The following FRMD4A variants were observed in gnomAD, a reference collection of about 807,000 sequenced individuals.
FRMD4A encodes the protein FERM domain containing 4A.
FRMD4A carries 29 observed loss-of-function variants against 129.1 expected under a neutral mutation model. That is an observed-to-expected ratio of 0.22 (90% CI 0.17 to 0.31). The LOEUF is 0.31. Ranked by LOEUF, FRMD4A falls within the 10% of genes least tolerant of loss-of-function variation. The probability of loss-of-function intolerance (pLI) is 1.00; values close to 1 mark genes in which losing one functional copy is unlikely to be tolerated. For synonymous variants in FRMD4A, 634 were observed against 571.6 expected (o/e 1.11, Z -1.56); for missense variants, 1,272 against 1,375.8 (o/e 0.92, Z 1.19).
chr10:13,973,461 C>T (rs978265301), intron 2 of FRMD4A, among the ~76,000 whole-genome samples: 1 of 152,170 alleles, frequency 6.6e-6, no homozygotes, highest in African/African-American at 2.4e-5. Flanking sequence ...GCTGGGATTA[C>T]AGGCATGAGC....
At chr10:14,241,514 TA>T (rs1564411020) in intron 2 of FRMD4A, among the ~76,000 whole-genome samples, 2 of 151,734 alleles carry the variant, frequency 1.3e-5, no homozygotes, top group Non-Finnish European at 1.5e-5. Flanking sequence ...AATTCTTGGT[TA>T]AAAAGTAGTC....
At position 13,778,623 on chromosome 10, in the gene FRMD4A, T is replaced by TGTGTG. The variant is rs1240640403; in HGVS notation, c.384+4298_384+4299insCACAC. Among the ~76,000 whole-genome samples, 1,137 of 138,584 alleles carry TGTGTG rather than the reference T, an allele frequency of 8.2e-3. 8 individuals are homozygous for TGTGTG. The highest frequency in any genetic ancestry group is 0.013 in the African/African-American group (461 of 36,100). The allele number at this position is 138,584 out of a possible 152,430, so 90.9% of individuals were successfully genotyped here. ...CGTGTGTGTGTGTGTGTGTGTGTGTTTGTGTGTGTGTTAAGGTTTAATGGG... is the reference window on the plus strand; with the variant it reads ...CGTGTGTGTGTGTGTGTGTGTGTGTTGTGTGTGTGTGTGTGTTAAGGTTTAATGGG... On this transcript the variant is annotated intron_variant, in intron 6 of 24. Coordinates refer to ENST00000357447, the MANE Select transcript of FRMD4A (RefSeq NM_018027.5).
intron 2 of FRMD4A, among the ~76,000 whole-genome samples, chr10:13,924,273 C>T (rs962188019): frequency 6.6e-6 from 1 of 152,188 alleles, no homozygotes; most frequent in Non-Finnish European, 1.5e-5. Context: ...ACATTACACT[C>T]CAGCTGAAGT....
chr10:13,842,098 G>C (rs1287171068), intron 3 of FRMD4A, among the ~76,000 whole-genome samples: 4 of 152,150 alleles, frequency 2.6e-5, no homozygotes, highest in Non-Finnish European at 1.5e-5. Context: ...TAAGCAGCTG[G>C]AATTATTTCT....
At chr10:13,808,099 T>A (rs1429242775) in intron 4 of FRMD4A, among the ~76,000 whole-genome samples, 1 of 152,214 alleles carries the variant, frequency 6.6e-6, no homozygotes, top group Non-Finnish European at 1.5e-5. Flanking sequence ...ATGCTCAGCC[T>A]ACTATTAGAA....
chr10:13,883,983 AT>A (rs1369181418), intron 2 of FRMD4A, among the ~76,000 whole-genome samples: 2 of 152,152 alleles, frequency 1.3e-5, no homozygotes, highest in South Asian at 4.1e-4. Flanking sequence ...TTAGAAGGTT[AT>A]TAAGTGCTTA....
chr10:14,117,756 T>G (rs1192114299), intron 2 of FRMD4A, among the ~76,000 whole-genome samples: 1 of 152,238 alleles, frequency 6.6e-6, no homozygotes, highest in Non-Finnish European at 1.5e-5. Context: ...ACCTGTCACG[T>G]GCTAGGTGCC....
intron 6 of FRMD4A, among the ~76,000 whole-genome samples, chr10:13,766,860 G>A (rs1442003842): frequency 6.6e-6 from 1 of 152,176 alleles, no homozygotes; most frequent in Non-Finnish European, 1.5e-5. Context: ...AGATCATGAG[G>A]TCAAGAGATT....
chr10:13,647,398 C>G (rs544940446), intron 24 of FRMD4A: 1 of 152,318 alleles, frequency 6.6e-6, no homozygotes, highest in Admixed American at 6.5e-5. Flanking sequence ...TGAGAACTGT[C>G]AAAGCTCCCC....
intron 3 of FRMD4A, among the ~76,000 whole-genome samples, chr10:13,853,141 A>G (rs1020405918): frequency 2.0e-5 from 3 of 152,142 alleles, no homozygotes; most frequent in African/African-American, 7.2e-5. Flanking sequence ...AAGGAGACTC[A>G]CATCATGCGG....
intron 12 of FRMD4A, among the ~76,000 whole-genome samples, chr10:13,721,870 TAC>T (rs1405681616): frequency 1.3e-5 from 2 of 152,172 alleles, no homozygotes; most frequent in South Asian, 4.1e-4. Flanking sequence ...TGCCTAAAAA[TAC>T]ACACACACAT....
chr10:13,982,402 G>C (rs963385034), intron 2 of FRMD4A, among the ~76,000 whole-genome samples: 4 of 149,850 alleles, frequency 2.7e-5, no homozygotes, highest in Non-Finnish European at 4.4e-5. Flanking sequence ...AGAATGACTT[G>C]AGCCCAGGAG....
At chr10:13,781,087 G>A (rs1317756383) in intron 6 of FRMD4A, among the ~76,000 whole-genome samples, 1 of 152,068 alleles carries the variant, frequency 6.6e-6, no homozygotes, top group Admixed American at 6.5e-5. Flanking sequence ...CAGATCACCT[G>A]AGCCCAGGAG....
At chr10:14,099,449 C>T (rs1837182850) in intron 2 of FRMD4A, among the ~76,000 whole-genome samples, 1 of 152,288 alleles carries the variant, frequency 6.6e-6, no homozygotes, top group African/African-American at 2.4e-5. Flanking sequence ...CATAGCCATC[C>T]CTCGGGGTAT....
At chr10:13,845,256 C>A (rs1026458936) in intron 3 of FRMD4A, among the ~76,000 whole-genome samples, 5 of 152,084 alleles carry the variant, frequency 3.3e-5, no homozygotes, top group African/African-American at 7.2e-5. Context: ...CATCCTATGA[C>A]CTTGACACAT....
chr10:13,930,750 C>T (rs1270011290), intron 2 of FRMD4A, among the ~76,000 whole-genome samples: 5 of 152,098 alleles, frequency 3.3e-5, no homozygotes, highest in African/African-American at 1.2e-4. Context: ...GCAAAAGAGC[C>T]TTTAATTGCT....
At chr10:14,159,322 T>C (rs1245427974) in intron 2 of FRMD4A, among the ~76,000 whole-genome samples, 1 of 152,130 alleles carries the variant, frequency 6.6e-6, no homozygotes, top group African/African-American at 2.4e-5. Context: ...TATATGCCAA[T>C]AATGAAGTCG....
At chr10:14,147,784 G>A in intron 2 of FRMD4A, among the ~76,000 whole-genome samples, 1 of 152,072 alleles carries the variant, frequency 6.6e-6, no homozygotes, top group East Asian at 1.9e-4. Context: ...GCCACGGACT[G>A]GTACTGGTCC....
At chr10:13,650,021 T>C (rs2081422900) in intron 24 of FRMD4A, among the ~76,000 whole-genome samples, 1 of 152,178 alleles carries the variant, frequency 6.6e-6, no homozygotes. Context: ...CTGTGGGGGC[T>C]TTCCACTGCA....
Sources: allele counts gnomAD v4.1 joint callset (sites outside exome capture counted in the v4.1 genomes callset), GRCh38; gene constraint gnomAD v4.1.1; transcripts MANE v1.5; gene names NCBI Gene and HGNC (gene_info 2026-07-23, HGNC 2026-07-21).